Variants in RBFOX1 observed in about 807,000 individuals in gnomAD.
RBFOX1 encodes the protein RNA binding fox-1 homolog 1, also known as RNA binding protein fox-1 homolog 1.
Under a neutral mutation model 57.7 loss-of-function variants are expected in RBFOX1, and 8 were observed. The ratio of observed to expected loss-of-function variants is 0.14; its 90% CI spans 0.08 to 0.25. The LOEUF is 0.25. Among genes scored for constraint, RBFOX1 ranks in the 10% least tolerant of loss-of-function variants. RBFOX1 has a pLI of 1.00. For missense variants in RBFOX1, 611 were observed against 548.5 expected (o/e 1.11, Z -1.14); for synonymous variants, 326 against 222.4 (o/e 1.47, Z -4.15).
At chr16:6,650,851 C>G (rs950802940) in intron 2 of RBFOX1, among the ~76,000 whole-genome samples, 2 of 152,134 alleles carry the variant, frequency 1.3e-5, no homozygotes, top group Non-Finnish European at 2.9e-5. Flanking sequence ...ATCAACATTT[C>G]TGTAGACTTA....
intron 3 of RBFOX1, among the ~76,000 whole-genome samples, chr16:6,873,421 A>G (rs564668500): frequency 1.3e-5 from 2 of 152,330 alleles, no homozygotes; most frequent in South Asian, 2.1e-4. Flanking sequence ...AGTGCTCACT[A>G]TGACTACCTA....
At chr16:7,635,038 G>T (rs1442498635) in intron 11 of RBFOX1, among the ~76,000 whole-genome samples, 4 of 152,226 alleles carry the variant, frequency 2.6e-5, no homozygotes, top group African/African-American at 9.6e-5. Context: ...CCGAAGGCCA[G>T]TGGTCAGCCT....
intron 3 of RBFOX1, among the ~76,000 whole-genome samples, chr16:5,657,621 TC>T (rs2049473608): frequency 5.4e-5 from 2 of 37,032 alleles, no homozygotes; most frequent in African/African-American, 1.3e-4. Context: ...TCTTTCTTTC[TC>T]TCTTTCTTTC....
chr16:7,095,320 T>C (rs1366779542), intron 4 of RBFOX1, among the ~76,000 whole-genome samples: 4 of 152,138 alleles, frequency 2.6e-5, no homozygotes, highest in Non-Finnish European at 5.9e-5. Context: ...GTATTTTTAG[T>C]AGAGACTGGG....
At chr16:6,267,548 G>T (rs2074675569) in intron 1 of RBFOX1, among the ~76,000 whole-genome samples, 1 of 152,194 alleles carries the variant, frequency 6.6e-6, no homozygotes, top group Non-Finnish European at 1.5e-5. Context: ...TTCTTTAGCA[G>T]AGAAGCTAGA....
At chr16:7,232,854 TAA>T (rs35209426) in intron 4 of RBFOX1, among the ~76,000 whole-genome samples, 20 of 128,618 alleles carry the variant, frequency 1.6e-4, no homozygotes, top group East Asian at 2.3e-4. Context: ...ATCTCTTAAT[TAA>T]AAAAAAAAAA....
At chr16:5,398,665 G>A (rs1048720992) in intron 1 of RBFOX1, among the ~76,000 whole-genome samples, 2 of 152,080 alleles carry the variant, frequency 1.3e-5, no homozygotes, top group Admixed American at 1.3e-4. Context: ...AGTCCAGTGG[G>A]AGGATAGCAA....
chr16:5,774,617 G>A (rs561853839), intron 3 of RBFOX1, among the ~76,000 whole-genome samples: 1 of 152,174 alleles, frequency 6.6e-6, no homozygotes. Flanking sequence ...CATTTACATG[G>A]TGTCTACTGT....
intron 3 of RBFOX1, among the ~76,000 whole-genome samples, chr16:7,014,623 G>T (rs1281393641): frequency 6.6e-6 from 1 of 152,108 alleles, no homozygotes; most frequent in Non-Finnish European, 1.5e-5. Flanking sequence ...ACATTTAAAA[G>T]GTTGGGAAAA....
At chr16:6,846,495 C>T (rs1378923565) in intron 3 of RBFOX1, among the ~76,000 whole-genome samples, 2 of 152,140 alleles carry the variant, frequency 1.3e-5, no homozygotes, top group Non-Finnish European at 2.9e-5. Flanking sequence ...AATAAGACCA[C>T]AGCAAATGAA....
intron 4 of RBFOX1, among the ~76,000 whole-genome samples, chr16:7,133,478 T>A (rs1199037757): frequency 6.6e-6 from 1 of 152,158 alleles, no homozygotes; most frequent in Admixed American, 6.5e-5. Context: ...TTAGAGGCAA[T>A]TCAGTAATTT....
chr16:6,414,214 G>C (rs2093556498), intron 2 of RBFOX1, among the ~76,000 whole-genome samples: 1 of 152,206 alleles, frequency 6.6e-6, no homozygotes, highest in Non-Finnish European at 1.5e-5. Context: ...CCTTGGAAAG[G>C]TGGATGAAAG....
intron 4 of RBFOX1, among the ~76,000 whole-genome samples, chr16:7,224,099 G>T (rs950598986): frequency 2.7e-5 from 3 of 110,062 alleles, no homozygotes; most frequent in Non-Finnish European, 5.0e-5. Context: ...TCAGGATCTA[G>T]ATTTTCTATC....
At chr16:6,717,694 G>C (rs1475675161) in intron 3 of RBFOX1, among the ~76,000 whole-genome samples, 1 of 151,886 alleles carries the variant, frequency 6.6e-6, no homozygotes, top group Non-Finnish European at 1.5e-5. Flanking sequence ...TAAACCAGTT[G>C]AAAGTGCCAG....
At chr16:6,237,625 C>T (rs2097515413) in intron 1 of RBFOX1, among the ~76,000 whole-genome samples, 1 of 151,902 alleles carries the variant, frequency 6.6e-6, no homozygotes, top group African/African-American at 2.4e-5. Context: ...GCCTGTAATC[C>T]CAGCTACTTG....
chr16:6,213,689 A>T (rs1410947614), intron 1 of RBFOX1, among the ~76,000 whole-genome samples: 1 of 152,204 alleles, frequency 6.6e-6, no homozygotes, highest in Non-Finnish European at 1.5e-5. Flanking sequence ...TGGATGGTTT[A>T]AATCATTCTG....
At chr16:6,761,925 T>G (rs1263401244) in intron 3 of RBFOX1, among the ~76,000 whole-genome samples, 1 of 152,170 alleles carries the variant, frequency 6.6e-6, no homozygotes, top group African/African-American at 2.4e-5. Flanking sequence ...ACCTCTAGAC[T>G]GATGATCATT....
At chr16:7,126,528 T>A (rs2068595965) in intron 4 of RBFOX1, 1 of 219,480 alleles carries the variant, frequency 4.6e-6, no homozygotes, top group Non-Finnish European at 9.6e-6. Context: ...AATACAAATT[T>A]CTTAATGGCC....
intron 2 of RBFOX1, among the ~76,000 whole-genome samples, chr16:6,579,718 A>C (rs1286189510): frequency 5.9e-5 from 9 of 152,046 alleles, no homozygotes; most frequent in African/African-American, 1.9e-4. Flanking sequence ...TATCTTTAGT[A>C]GCAGCGTGGG....
Sources: allele counts gnomAD v4.1 joint callset (sites outside exome capture counted in the v4.1 genomes callset), GRCh38; gene constraint gnomAD v4.1.1; transcripts MANE v1.5; gene names NCBI Gene and HGNC (gene_info 2026-07-23, HGNC 2026-07-21).